NEMP2: variants seen among roughly 807,000 people sequenced by gnomAD.
NEMP2 encodes nuclear envelope integral membrane protein 2.
A neutral mutation model predicts 54.2 loss-of-function variants in NEMP2; 53 were observed. That is an observed-to-expected ratio of 0.98 (90% CI 0.78 to 1.23). The LOEUF is 1.23. NEMP2 is among the 50% of genes most tolerant of loss of function. The pLI, the probability that NEMP2 is intolerant of heterozygous loss-of-function variation, is 0.00. For synonymous variants in NEMP2, 197 were observed against 190.3 expected, an observed-to-expected ratio of 1.04 and a Z score of -0.29; for missense variants, 455 against 511.3, an observed-to-expected ratio of 0.89 and a Z score of 1.06.
At chr2:190,435,124 T>C in the NEMP2 span, among the ~76,000 whole-genome samples, 1 of 152,180 alleles carries the variant, frequency 6.6e-6, no homozygotes, top group Non-Finnish European at 1.5e-5. Flanking sequence ...GGTGCCAAAA[T>C]GGTTGGGGAC....
the NEMP2 span, among the ~76,000 whole-genome samples, chr2:190,614,353 G>C: frequency 6.6e-6 from 1 of 152,054 alleles, no homozygotes; most frequent in Non-Finnish European, 1.5e-5. This position sits in a 1 kb window ranked among gnomAD's most constrained non-coding sequence, Gnocchi z 5.7. Flanking sequence ...TGTTGTAATA[G>C]CTATTAATGA....
the NEMP2 span, among the ~76,000 whole-genome samples, chr2:190,465,596 T>A: frequency 1.3e-5 from 2 of 152,230 alleles, no homozygotes; most frequent in Non-Finnish European, 2.9e-5. This position sits in a 1 kb window ranked among gnomAD's most constrained non-coding sequence, Gnocchi z 4.6. Context: ...CAGTAAAATA[T>A]GCTTTAAATT....
chr2:190,616,045 A>G, the NEMP2 span, among the ~76,000 whole-genome samples: 2 of 152,186 alleles, frequency 1.3e-5, no homozygotes, highest in Non-Finnish European at 2.9e-5. This position sits in a 1 kb window ranked among gnomAD's most constrained non-coding sequence, Gnocchi z 5.1. Context: ...TTTGTCATGT[A>G]ACTGTTGCCC....
At chr2:190,576,063 G>T in the NEMP2 span, among the ~76,000 whole-genome samples, 1 of 151,474 alleles carries the variant, frequency 6.6e-6, no homozygotes, top group Non-Finnish European at 1.5e-5. Flanking sequence ...CAACCTCCTG[G>T]GCTCAAGTGA....
At chr2:190,538,098 G>A (rs1305803751), upstream of NEMP2, among the ~76,000 whole-genome samples, 5 of 151,860 alleles carry the variant, frequency 3.3e-5, no homozygotes, top group African/African-American at 1.2e-4. This position sits in a 1 kb window ranked among gnomAD's most constrained non-coding sequence, Gnocchi z 4.1. Flanking sequence ...CTAAAACAGG[G>A]AAAAAAAGGC....
the NEMP2 span, among the ~76,000 whole-genome samples, chr2:190,547,989 C>T: frequency 6.6e-6 from 1 of 152,220 alleles, no homozygotes; most frequent in East Asian, 1.9e-4. The surrounding 1 kb of genome is among the most constrained non-coding windows in gnomAD (Gnocchi z 6.2). Context: ...GTGACTAATC[C>T]AGATGGTCCA....
rs1490201400 is a variant in NEMP2 at position 190,521,887 on chromosome 2, CTTA to C, written c.214-2707_214-2705del. Among the ~76,000 whole-genome samples, 1 of 152,128 alleles carries C rather than the reference CTTA, an allele frequency of 6.6e-6. No individual in the cohort carries two copies. Among genetic ancestry groups the C allele is most frequent in the African/African-American group, 2.4e-5 (1 of 41,424 alleles). ...CTTGCTCCTTCCTTCTCCCTGAACT[CTTA>C]ATATAAGACTGACCCAGGCTTAGCC... is the stretch of plus-strand genomic sequence containing the variant. On this transcript the variant is annotated intron_variant, in intron 2 of 8. Coordinates refer to ENST00000409150, the MANE Select transcript of NEMP2 (RefSeq NM_001142645.2). This position sits in a 1 kb window ranked among gnomAD's most constrained non-coding sequence, Gnocchi z 6.2.
At chr2:190,470,317 C>A in the NEMP2 span, among the ~76,000 whole-genome samples, 2 of 152,078 alleles carry the variant, frequency 1.3e-5, no homozygotes. Flanking sequence ...TATAGCCACA[C>A]CGTTGTTTTT....
downstream of NEMP2, among the ~76,000 whole-genome samples, chr2:190,503,327 G>A (rs1690097466): frequency 6.6e-6 from 1 of 152,196 alleles, no homozygotes; most frequent in African/African-American, 2.4e-5. This position sits in a 1 kb window ranked among gnomAD's most constrained non-coding sequence, Gnocchi z 6.3. Context: ...GGACTTACTG[G>A]GAAGATGGGA....
At chr2:190,464,304 G>A in the NEMP2 span, among the ~76,000 whole-genome samples, 1 of 152,034 alleles carries the variant, frequency 6.6e-6, no homozygotes, top group East Asian at 1.9e-4. Context: ...TTGTTTCTCT[G>A]CCAGGGGCTT....
the NEMP2 span, among the ~76,000 whole-genome samples, chr2:190,476,744 C>T: frequency 6.6e-6 from 1 of 152,088 alleles, no homozygotes; most frequent in Non-Finnish European, 1.5e-5. Context: ...GCTATAAAGA[C>T]ACATGCACAC....
At chr2:190,622,078 G>T in the NEMP2 span, among the ~76,000 whole-genome samples, 2 of 149,860 alleles carry the variant, frequency 1.3e-5, no homozygotes, top group African/African-American at 4.9e-5. Flanking sequence ...CCAGCCTGGG[G>T]AGTGAGACTC....
the NEMP2 span, among the ~76,000 whole-genome samples, chr2:190,572,254 G>GA: frequency 6.6e-6 from 1 of 151,632 alleles, no homozygotes; most frequent in African/African-American, 2.4e-5. Context: ...GAAATCTCAG[G>GA]AAAAAAAGGA....
chr2:190,614,290 T>G, the NEMP2 span, among the ~76,000 whole-genome samples: 1 of 152,158 alleles, frequency 6.6e-6, no homozygotes, highest in Non-Finnish European at 1.5e-5. This position sits in a 1 kb window ranked among gnomAD's most constrained non-coding sequence, Gnocchi z 5.7. Flanking sequence ...CCAAACAAAG[T>G]CATTTCTAAG....
the NEMP2 span, chr2:190,437,029 G>A: frequency 6.2e-7 from 1 of 1,614,210 alleles, no homozygotes; most frequent in Admixed American, 1.7e-5. This position sits in a 1 kb window ranked among gnomAD's most constrained non-coding sequence, Gnocchi z 5.9. Flanking sequence ...GGGCTCCCTG[G>A]GCTGGGGCCT....
At chr2:190,580,348 G>A in the NEMP2 span, among the ~76,000 whole-genome samples, 1 of 152,080 alleles carries the variant, frequency 6.6e-6, no homozygotes, top group African/African-American at 2.4e-5. The surrounding 1 kb of genome is among the most constrained non-coding windows in gnomAD (Gnocchi z 5.3). Flanking sequence ...GCGAATATAA[G>A]AGTTCTGTGT....
At chr2:190,477,703 A>C in the NEMP2 span, among the ~76,000 whole-genome samples, 22,317 of 152,304 alleles carry the variant, frequency 0.15, 1,847 homozygotes, top group Middle Eastern at 0.21. Flanking sequence ...GGTCTCACCA[A>C]CTGTTCTGGA....
the NEMP2 span, among the ~76,000 whole-genome samples, chr2:190,479,560 A>G: frequency 6.6e-6 from 1 of 152,228 alleles, no homozygotes; most frequent in Non-Finnish European, 1.5e-5. Context: ...TAAATATTTG[A>G]TTAAAATAAA....
At chr2:190,571,601 T>G in the NEMP2 span, among the ~76,000 whole-genome samples, 1 of 152,098 alleles carries the variant, frequency 6.6e-6, no homozygotes, top group African/African-American at 2.4e-5. Flanking sequence ...TAAGTAGCTG[T>G]GACAATCAGA....
Sources: gnomAD v4.1 joint callset for allele counts (sites outside exome capture counted in the v4.1 genomes callset) on GRCh38, gnomAD v4.1.1 for gene constraint, Gnocchi (gnomAD v3.1) non-coding constraint, MANE v1.5 for transcripts, NCBI Gene and HGNC (gene_info 2026-07-23, HGNC 2026-07-21) for gene names.